The following COL25A1 variants were observed in gnomAD, a reference collection of about 807,000 sequenced individuals.
COL25A1 encodes collagen type XXV alpha 1 chain.
In COL25A1, 103 loss-of-function variants were observed where a neutral mutation model predicts 128.4. That is an observed-to-expected ratio of 0.80 (90% CI 0.68 to 0.94). The LOEUF (loss-of-function observed/expected upper bound fraction) is 0.94, where lower values mean the gene tolerates loss of function less well. COL25A1 is among the 40% of genes least tolerant of loss of function. The pLI is 0.00. For missense variants in COL25A1, 745 were observed against 840.0 expected (o/e 0.89, Z 1.40); for synonymous variants, 279 against 277.2 (o/e 1.01, Z -0.06).
At chr4:109,262,625 C>T (rs1383434498) in intron 3 of COL25A1, among the ~76,000 whole-genome samples, 2 of 152,076 alleles carry the variant, frequency 1.3e-5, no homozygotes, top group African/African-American at 2.4e-5. Context: ...TTCAGTTCAT[C>T]GGTAAAAGTT....
chr4:108,859,028 C>G (rs1280326331), intron 24 of COL25A1, among the ~76,000 whole-genome samples: 1 of 151,890 alleles, frequency 6.6e-6, no homozygotes, highest in East Asian at 1.9e-4. Context: ...GAATAGGAAG[C>G]AAAGGTGATA....
chr4:108,976,759 A>G (rs1752481579), intron 6 of COL25A1, among the ~76,000 whole-genome samples: 2 of 152,220 alleles, frequency 1.3e-5, no homozygotes, highest in South Asian at 4.1e-4. Flanking sequence ...GCTAAGTACC[A>G]GCTACAGAGT....
chr4:109,006,167 C>G (rs750533658), intron 6 of COL25A1, among the ~76,000 whole-genome samples: 2 of 147,406 alleles, frequency 1.4e-5, no homozygotes, highest in Non-Finnish European at 3.0e-5. Context: ...AAAATTTGAT[C>G]AAATAAAAGA....
chr4:108,838,012 G>A (rs996537163), intron 31 of COL25A1: 17 of 907,974 alleles, frequency 1.9e-5, no homozygotes, highest in African/African-American at 6.6e-5. Context: ...TCAACAGTAC[G>A]AGCTGCTGAG....
intron 3 of COL25A1, among the ~76,000 whole-genome samples, chr4:109,181,926 G>A (rs1045369014): frequency 2.0e-5 from 3 of 151,788 alleles, no homozygotes; most frequent in Admixed American, 6.6e-5. Flanking sequence ...TTTCAGATTC[G>A]ACATGTAAGT....
At chr4:108,825,871 T>A (rs974445503) in intron 33 of COL25A1, among the ~76,000 whole-genome samples, 12 of 152,188 alleles carry the variant, frequency 7.9e-5, no homozygotes, top group Admixed American at 5.9e-4. Context: ...AAATTTTTTT[T>A]AAAAGTTGTA....
At chr4:108,953,521 A>G in intron 8 of COL25A1, among the ~76,000 whole-genome samples, 1 of 152,196 alleles carries the variant, frequency 6.6e-6, no homozygotes, top group East Asian at 1.9e-4. Flanking sequence ...AACTTGGCAG[A>G]CAATATAAAT....
chr4:108,853,016 T>C (rs1271414686), intron 24 of COL25A1, 91 bp from the exon 25 acceptor site: 7 of 1,134,246 alleles, frequency 6.2e-6, no homozygotes, highest in Non-Finnish European at 9.1e-6. Context: ...ACTTTTTGAA[T>C]ATGTTTGGCT....
chr4:109,292,624 G>T (rs576069813), intron 3 of COL25A1, among the ~76,000 whole-genome samples: 3 of 152,118 alleles, frequency 2.0e-5, no homozygotes, highest in South Asian at 4.1e-4. Flanking sequence ...GGAAGAGACT[G>T]TAAGTATATC....
chr4:108,896,088 G>A (rs1742099140), intron 16 of COL25A1, among the ~76,000 whole-genome samples: 1 of 151,738 alleles, frequency 6.6e-6, no homozygotes, highest in African/African-American at 2.4e-5. Flanking sequence ...TGGGACTACA[G>A]GCACCAACCA....
At chr4:109,065,619 T>G (rs1762384101) in intron 3 of COL25A1, among the ~76,000 whole-genome samples, 1 of 151,840 alleles carries the variant, frequency 6.6e-6, no homozygotes, top group African/African-American at 2.4e-5. Context: ...ATAAATTTTT[T>G]CTCCCTTAAT....
intron 3 of COL25A1, among the ~76,000 whole-genome samples, chr4:109,120,651 A>G (rs1350565861): frequency 1.3e-5 from 2 of 151,956 alleles, no homozygotes; most frequent in Non-Finnish European, 2.9e-5. Context: ...TTTACAAAAA[A>G]TGCAAAAATT....
rs190980550 is a variant in COL25A1, at chr4:108,854,994, G to T, written c.1321-2069C>A. On this transcript the variant is annotated intron_variant, in intron 24 of 37. Coordinates refer to ENST00000399132, the MANE Select transcript of COL25A1 (RefSeq NM_198721.4). ...CATATTTTTGAATTAACATTTTTCTGGTCTAGGTTCTGTGCTGAAAGTTCT... is the reference window on the plus strand; with the variant it reads ...CATATTTTTGAATTAACATTTTTCTTGTCTAGGTTCTGTGCTGAAAGTTCT... 5.3e-5 allele frequency among the ~76,000 whole-genome samples: 8 copies of T among 152,114 alleles called. No individual in the cohort carries two copies. In the East Asian group the frequency reaches 1.2e-3, roughly 22 times the overall value.
At chr4:109,223,382 T>C (rs1227591500) in intron 3 of COL25A1, among the ~76,000 whole-genome samples, 1 of 152,070 alleles carries the variant, frequency 6.6e-6, no homozygotes, top group Non-Finnish European at 1.5e-5. Flanking sequence ...TGGAAATTAT[T>C]ATTATATTCC....
intron 11 of COL25A1, among the ~76,000 whole-genome samples, chr4:108,922,027 C>G (rs550788236): frequency 1.3e-5 from 2 of 152,234 alleles, no homozygotes; most frequent in Admixed American, 1.3e-4. Flanking sequence ...GCCCCTCCTC[C>G]TATACAAGGC....
At chr4:108,868,884 A>C (rs1263250454) in intron 20 of COL25A1, among the ~76,000 whole-genome samples, 2 of 147,210 alleles carry the variant, frequency 1.4e-5, no homozygotes, top group Non-Finnish European at 3.0e-5. Context: ...GAGAGAAAGA[A>C]GAAAGATGGA....
intron 3 of COL25A1, among the ~76,000 whole-genome samples, chr4:109,106,356 T>G (rs780239171): frequency 2.0e-5 from 3 of 152,194 alleles, no homozygotes; most frequent in Non-Finnish European, 4.4e-5. Context: ...AATCAGTACG[T>G]TGGCATTTGT....
chr4:108,996,099 A>T (rs1754741885), intron 6 of COL25A1, among the ~76,000 whole-genome samples: 1 of 152,150 alleles, frequency 6.6e-6, no homozygotes, highest in Admixed American at 6.5e-5. Context: ...TAATGACAAG[A>T]TCAAATTCAC....
intron 18 of COL25A1, among the ~76,000 whole-genome samples, chr4:108,884,555 A>C (rs569750120): frequency 6.6e-6 from 1 of 152,290 alleles, no homozygotes; most frequent in South Asian, 2.1e-4. Context: ...GGGAGGCTGA[A>C]TCTATTTGCC....
Sources: gnomAD v4.1 joint callset for allele counts (sites outside exome capture counted in the v4.1 genomes callset) on GRCh38, gnomAD v4.1.1 for gene constraint, MANE v1.5 for transcripts, NCBI Gene and HGNC (gene_info 2026-07-23, HGNC 2026-07-21) for gene names.